CHD4: variants seen among roughly 807,000 people sequenced by gnomAD.
The protein encoded by CHD4 is ATP-dependent chromatin remodeler CHD4.
In CHD4, 35 loss-of-function variants were observed where a neutral mutation model predicts 235.5. The ratio of observed to expected loss-of-function variants is 0.15; its 90% CI spans 0.11 to 0.20. CHD4 has a LOEUF of 0.20. Among genes scored for constraint, CHD4 ranks in the 10% least tolerant of loss-of-function variants. The pLI, the probability that CHD4 is intolerant of heterozygous loss-of-function variation, is 1.00. For missense variants in CHD4, 1,329 were observed against 2,432.3 expected, an observed-to-expected ratio of 0.55 and a Z score of 9.54; for synonymous variants, 900 against 850.2, an observed-to-expected ratio of 1.06 and a Z score of -1.02.
At chr12:6,598,584 G>A (rs531692131) in intron 10 of CHD4, among the ~76,000 whole-genome samples, 159 bp from the exon 11 acceptor site, 16 of 152,354 alleles carry the variant, frequency 1.1e-4, no homozygotes, top group Admixed American at 1.0e-3. Context: ...GCCGAGGCGG[G>A]CAGATCACGA....
chr12:6,575,100 G>C (rs1262756506), intron 37 of CHD4, among the ~76,000 whole-genome samples: 1 of 151,752 alleles, frequency 6.6e-6, no homozygotes, highest in Non-Finnish European at 1.5e-5. Context: ...AGATGGAGTT[G>C]AGTATATGCA....
At chr12:6,592,608 A>T in intron 18 of CHD4, 42 bp from the exon 19 acceptor site, 2 of 1,583,762 alleles carry the variant, frequency 1.3e-6, no homozygotes, top group Non-Finnish European at 1.7e-6. Context: ...AGAAGGAGAA[A>T]GGAAGAAAGA....
chr12:6,583,125 G>C lies in CHD4; in HGVS notation c.4061-12C>G. 6.5e-7 allele frequency: 1 copy of C among 1,539,694 alleles called. No homozygotes were observed. The highest frequency in any genetic ancestry group is 8.8e-7 in the Non-Finnish European group (1 of 1,136,092). On this transcript the variant is annotated splice_polypyrimidine_tract_variant and intron_variant, in intron 26 of 39. Transcript: ENST00000544040. ...GTCGTCCTGCCAATCTGGAGGGAGA[G>C]AGGGCAGATGAGCGGGGCCCACTGC... is the stretch of plus-strand genomic sequence containing the variant.
intron 25 of CHD4, chr12:6,584,808 C>T (rs2136205488): frequency 6.6e-6 from 1 of 152,320 alleles, no homozygotes; most frequent in South Asian, 2.1e-4. Flanking sequence ...ATGTAGTCAC[C>T]AGCAAGGATG....
At chr12:6,576,069 A>G (rs1948065434) in intron 37 of CHD4, among the ~76,000 whole-genome samples, 1 of 150,928 alleles carries the variant, frequency 6.6e-6, no homozygotes, top group African/African-American at 2.4e-5. Context: ...TTTTTAAGAC[A>G]GGGTCTTGGA....
chr12:6,574,527 C>T (rs1034305957), intron 37 of CHD4, among the ~76,000 whole-genome samples: 1 of 152,160 alleles, frequency 6.6e-6, no homozygotes, highest in African/African-American at 2.4e-5. Flanking sequence ...ATTCATAAAA[C>T]ATATGACTCA....
intron 2 of CHD4, 148 bp from the exon 3 acceptor site, chr12:6,602,645 G>A (rs953142239): frequency 3.2e-5 from 36 of 1,118,830 alleles, no homozygotes; most frequent in East Asian, 2.7e-4. Flanking sequence ...GGAGGAAGCT[G>A]ATACCCAGGA....
chr12:6,580,372 T>C (rs2136199747), intron 33 of CHD4: 1 of 152,136 alleles, frequency 6.6e-6, no homozygotes, highest in African/African-American at 2.4e-5. Context: ...CCAGCAAAAA[T>C]TCACGAGTGA....
chr12:6,583,135 G>A, intron 26 of CHD4, 22 bp from the exon 27 acceptor site: 15 of 1,495,578 alleles, frequency 1.0e-5, no homozygotes, highest in Non-Finnish European at 1.4e-5. Context: ...GAGGGCAGAT[G>A]AGCGGGGCCC....
At chr12:6,577,439 A>C (rs1035341273) in intron 37 of CHD4, among the ~76,000 whole-genome samples, 6 of 148,624 alleles carry the variant, frequency 4.0e-5, no homozygotes, top group African/African-American at 1.3e-4. Context: ...AAAAAAAAAA[A>C]CAACCAGCAG....
chr12:6,582,559 C>T (rs920295483), intron 29 of CHD4, 56 bp downstream of exon 29: 11 of 1,554,996 alleles, frequency 7.1e-6, no homozygotes, highest in Admixed American at 2.0e-5. Context: ...ATGGAATGAC[C>T]AGATAGATAG....
At chr12:6,581,485 G>T in intron 31 of CHD4, 97 bp from the exon 32 acceptor site, 1 of 1,515,444 alleles carries the variant, frequency 6.6e-7, no homozygotes, top group Non-Finnish European at 9.2e-7. Context: ...TTGTCCTCTC[G>T]TGCCTTTAAG....
chr12:6,573,391 TGGAC>T, intron 37 of CHD4, 122 bp from the exon 38 acceptor site: 1 of 756,686 alleles, frequency 1.3e-6, no homozygotes, highest in Non-Finnish European at 1.9e-6. Context: ...AAGAACTTCA[TGGAC>T]AGCTCATTCC....
chr12:6,580,727 A>AAAAG (rs1555163920), intron 33 of CHD4: 7 of 244,574 alleles, frequency 2.9e-5, no homozygotes, highest in African/African-American at 2.1e-4. Flanking sequence ...AAAAAAAAAA[A>AAAAG]GCCAGGCACA....
intron 33 of CHD4, 126 bp from the exon 34 acceptor site, chr12:6,579,043 G>GAGCCACCATGCCCA: frequency 2.4e-6 from 2 of 819,498 alleles, no homozygotes; most frequent in Non-Finnish European, 3.9e-6. Context: ...AGCTGGGCAT[G>GAGCCACCATGCCCA]GTGGCTCATG....
At position 6,594,631 on chromosome 12, in the gene CHD4, C is replaced by T; in HGVS notation, c.2141G>A (p.Arg714Gln). ...PTVDPTVKYE[R>Q]QPEYLDATGG... is the part of the protein sequence containing the mutation. ...TGTAGCATCCAGGTACTCTGGCTGTCGCTCATACTTCACTGTTGGCTGAAG... is the reference window on the plus strand; with the variant it reads ...TGTAGCATCCAGGTACTCTGGCTGTTGCTCATACTTCACTGTTGGCTGAAG... Residue 714 changes from arginine to glutamine, a missense_variant, in exon 15 of 40, where the codon CGA (arginine) becomes CAA (glutamine). Arg to Gln is a conservative substitution (Grantham distance 43, BLOSUM62 1). Transcript: ENST00000544040. The T allele has an allele frequency of 3.7e-6, 6 of 1,613,242 alleles. No homozygotes were observed. Among genetic ancestry groups the T allele is most frequent in the Non-Finnish European group, 5.1e-6 (6 of 1,179,616 alleles).
intron 2 of CHD4, among the ~76,000 whole-genome samples, chr12:6,604,985 A>G (rs1948665517): frequency 6.6e-6 from 1 of 152,116 alleles, no homozygotes; most frequent in Non-Finnish European, 1.5e-5. Context: ...CACCTTGGGC[A>G]AGGGCATGGA....
In CHD4 at chr12:6,600,000, T is replaced by G; in HGVS notation, c.1255A>C (p.Ile419Leu). 6.2e-7 allele frequency: 1 copy of G among 1,614,188 alleles called. No individual in the cohort carries two copies. Among genetic ancestry groups the G allele is most frequent in the Non-Finnish European group, 8.5e-7 (1 of 1,180,018 alleles). Residue 419 changes from isoleucine (I) to leucine (L), a missense_variant, in exon 10 of 40, where the codon ATC (isoleucine) becomes CTC (leucine). Coordinates refer to ENST00000544040, the MANE Select transcript of CHD4 (RefSeq NM_001273.5). Reference protein sequence around the residue: ...WSCPHCEKEGIQWEAKEDNSE... With the variant: ...WSCPHCEKEGLQWEAKEDNSE... ...TTGTCCTCTTTAGCTTCCCACTGGA[T>G]GCCTTCCTTCTCCTGCAGTAAAGGA...
chr12:6,580,644 T>G (rs1208261827), intron 33 of CHD4: 1 of 162,646 alleles, frequency 6.1e-6, no homozygotes, highest in African/African-American at 2.8e-5. Context: ...GAGGCGGAGG[T>G]TGCAGTAAGC....
Sources: allele counts gnomAD v4.1 joint callset (sites outside exome capture counted in the v4.1 genomes callset), GRCh38; gene constraint gnomAD v4.1.1; transcripts MANE v1.5; gene names NCBI Gene and HGNC (gene_info 2026-07-23, HGNC 2026-07-21).